The following TPCN1 variants were observed in gnomAD, a reference collection of about 807,000 sequenced individuals.
TPCN1 encodes the protein two pore channel protein 1.
In TPCN1, 52 loss-of-function variants were observed where a neutral mutation model predicts 108.8. That is an observed-to-expected ratio of 0.48 (90% CI 0.38 to 0.60). TPCN1 has a LOEUF of 0.60. TPCN1 is among the 20% of genes least tolerant of loss of function. The pLI is 0.00. For synonymous variants in TPCN1, 446 were observed against 433.7 expected (o/e 1.03, Z -0.35); for missense variants, 806 against 1,072.8 (o/e 0.75, Z 3.47).
chr12:113,273,154 G>C lies in TPCN1; in HGVS notation c.784-78G>C. On this transcript the variant is annotated intron_variant, in intron 8 of 27. Transcript: ENST00000335509. The surrounding 1 kb of genome is among the most constrained non-coding windows in gnomAD (Gnocchi z 4.0). Reference sequence around the variant, plus strand: ...GAGCGGTCAAGGCAGGGCATGCCAGGTGGCCCATCACAGCCTGTTCCTGAT... The same window carrying C: ...GAGCGGTCAAGGCAGGGCATGCCAGCTGGCCCATCACAGCCTGTTCCTGAT... The C allele has an allele frequency of 7.7e-7, 1 of 1,302,762 alleles. No individual in the cohort carries two copies. The allele number at this position is 1,302,762 out of a possible 1,614,324, so 80.7% of individuals were successfully genotyped here.
In TPCN1 at chr12:113,245,624, A is replaced by G. The variant is rs1310481069; in HGVS notation, c.113-14744A>G. ...TCAAAAAAAAAAAAAAAAAAAAAGAAAAGAAAAGGGGTAGGCCCCTCAGTA... is the reference window on the plus strand; with the variant it reads ...TCAAAAAAAAAAAAAAAAAAAAAGAGAAGAAAAGGGGTAGGCCCCTCAGTA... On this transcript the variant is annotated intron_variant, in intron 2 of 27. Transcript: ENST00000335509. 1.6e-4 allele frequency among the ~76,000 whole-genome samples: 19 copies of G among 120,608 alleles called. 1 individual carries two copies. Among genetic ancestry groups the G allele is most frequent in the African/African-American group, 5.6e-4 (16 of 28,584 alleles). 79.1% of individuals were successfully genotyped at this position (120,608 alleles called of 152,430 possible). A position where few individuals can be genotyped will look rare whatever the true frequency, so the allele number is the denominator to read the frequency against.
rs1955541062 is a variant in TPCN1 at position 113,272,631 on chromosome 12, T to C, written c.749-27T>C. 6.2e-7 allele frequency: 1 copy of C among 1,610,938 alleles called. No homozygotes were observed. Among genetic ancestry groups the C allele is most frequent in the African/African-American group, 1.3e-5 (1 of 74,852 alleles). On this transcript the variant is annotated intron_variant, in intron 7 of 27. Transcript: ENST00000335509. The surrounding 1 kb of genome is among the most constrained non-coding windows in gnomAD (Gnocchi z 4.1). ...TTTGGGACCTCTGCTCTAATCCTTTTGTTTATCTGTTTCCACCCACTTCTA... is the reference window on the plus strand; with the variant it reads ...TTTGGGACCTCTGCTCTAATCCTTTCGTTTATCTGTTTCCACCCACTTCTA...
rs1215277055 is a variant in TPCN1, at chr12:113,289,195, T to C, written c.1796+348T>C. Among the ~76,000 whole-genome samples, 1 of 152,170 alleles carries C rather than the reference T, an allele frequency of 6.6e-6. No homozygotes were observed. Among genetic ancestry groups the C allele is most frequent in the Non-Finnish European group, 1.5e-5 (1 of 68,020 alleles). On this transcript the variant is annotated intron_variant, in intron 21 of 27. Transcript: ENST00000335509. The surrounding 1 kb of genome is among the most constrained non-coding windows in gnomAD (Gnocchi z 4.1). ...GGGACCTGGGCCAAGACCAGTCTTC[T>C]AGGGACAGCATCGTAGGATAAGACA...
chr12:113,241,414 T>TCCAG (rs1458596283), intron 2 of TPCN1, among the ~76,000 whole-genome samples: 14 of 152,296 alleles, frequency 9.2e-5, no homozygotes, highest in South Asian at 2.1e-4. Flanking sequence ...GGAAGCCGGG[T>TCCAG]CCAGCCAGCC....
Position 113,226,786 on chromosome 12 carries a change from G to A in TPCN1, c.-67G>A, listed in dbSNP as rs1953486033. ...ACCCCTGGCCCAGTGGCTTTGAAAG[G>A]GAGCTCAAACCAGAGACTATTTCAA... is the stretch of plus-strand genomic sequence containing the variant. On this transcript the variant is annotated 5_prime_UTR_variant, in exon 2 of 28. Coordinates refer to ENST00000335509, the MANE Select transcript of TPCN1 (RefSeq NM_017901.6). 1.2e-6 allele frequency: 2 copies of A among 1,607,670 alleles called. No homozygotes were observed. The highest frequency in any genetic ancestry group is 2.7e-5 in the African/African-American group (2 of 74,844).
In TPCN1 at chr12:113,290,243, G is replaced by A. The variant is rs1311084111; in HGVS notation, c.1912G>A (p.Val638Met). The change falls in exon 22 of 28, where the codon GTG becomes ATG. Residue 638 changes from valine (V) to methionine (M), a missense_variant and splice_region_variant. Transcript: ENST00000335509. ...TTTTGACAACATCCTCAACAGCTTT[G>A]GTGAGTGGGAAAAATCACAGGGGGC... ...NNFDNILNSFVTLFELTVVNN... is the reference protein window; with the variant it reads ...NNFDNILNSFMTLFELTVVNN... The A allele has an allele frequency of 6.3e-7, 1 of 1,584,286 alleles. No homozygotes were observed. The highest frequency in any genetic ancestry group is 8.6e-7 in the Non-Finnish European group (1 of 1,161,110).
intron 2 of TPCN1, among the ~76,000 whole-genome samples, chr12:113,255,587 G>A (rs1452897857): frequency 1.3e-5 from 2 of 150,504 alleles, no homozygotes; most frequent in East Asian, 2.0e-4. Flanking sequence ...GTGCAGTGGC[G>A]CAATCTCAGC....
intron 22 of TPCN1, 21 bp from the exon 23 acceptor site, chr12:113,290,931 C>CT: frequency 6.2e-7 from 1 of 1,613,516 alleles, no homozygotes; most frequent in Non-Finnish European, 8.5e-7. Flanking sequence ...CAGGATGCTT[C>CT]TTTCTCTCTT....
chr12:113,238,744 C>T (rs1414290932), intron 2 of TPCN1, among the ~76,000 whole-genome samples: 3 of 152,184 alleles, frequency 2.0e-5, no homozygotes, highest in Admixed American at 2.0e-4. Context: ...CTCCCCAGCA[C>T]CGGGATGTGA....
At chr12:113,280,001 C>T in intron 14 of TPCN1, 150 bp from the exon 15 acceptor site, 1 of 609,742 alleles carries the variant, frequency 1.6e-6, no homozygotes, top group South Asian at 2.1e-5. Context: ...CTCCTTTCTT[C>T]ACCTCTGGGG....
Position 113,286,809 on chromosome 12 carries a change from G to A in TPCN1, c.1527-178G>A, listed in dbSNP as rs146144839. Among the ~76,000 whole-genome samples the A allele has an allele frequency of 4.8e-3, 733 of 152,308 alleles. 2 individuals are homozygous for A. The highest frequency in any genetic ancestry group is 7.6e-3 in the Non-Finnish European group (514 of 68,028). ...CCCGTGAGACGCATGCTGGGACAGG[G>A]CCTGGCCACCTTGAAACCCCAGGGT... On this transcript the variant is annotated intron_variant, in intron 18 of 27. Coordinates refer to ENST00000335509, the MANE Select transcript of TPCN1 (RefSeq NM_017901.6).
intron 10 of TPCN1, among the ~76,000 whole-genome samples, chr12:113,275,075 C>A (rs1239353234): frequency 6.6e-6 from 1 of 152,210 alleles, no homozygotes; most frequent in Non-Finnish European, 1.5e-5. Context: ...GGTGCCCAGA[C>A]CACACATCCA....
intron 12 of TPCN1, 96 bp from the exon 13 acceptor site, chr12:113,278,093 C>A: frequency 9.8e-7 from 1 of 1,015,326 alleles, no homozygotes; most frequent in Non-Finnish European, 1.6e-6. Context: ...TCCTCCCTCA[C>A]CCCATAAAGG....
At chr12:113,226,680 G>T (rs780664161) in intron 1 of TPCN1, 48 bp from the exon 2 acceptor site, 1 of 1,377,264 alleles carries the variant, frequency 7.3e-7, no homozygotes, top group South Asian at 1.4e-5. Flanking sequence ...ATCAGTCATG[G>T]CTGTATTTTA....
chr12:113,290,015 G>A (rs986754845), intron 21 of TPCN1, 113 bp from the exon 22 acceptor site: 8 of 677,054 alleles, frequency 1.2e-5, no homozygotes, highest in Non-Finnish European at 2.1e-5. Context: ...CAGGCTGCGG[G>A]CAGAACAGAA....
Position 113,272,021 on chromosome 12 carries a change from C to T in TPCN1, c.749-637C>T, listed in dbSNP as rs1319470342. Among the ~76,000 whole-genome samples, 3 of 152,222 alleles carry T rather than the reference C, an allele frequency of 2.0e-5. No individual in the cohort carries two copies. The highest frequency in any genetic ancestry group is 4.8e-5 in the African/African-American group (2 of 41,446). ...GGCTAGAGCCAGGGCCAACCCCTCC[C>T]GGCCCTCGTGACTGCCTTGTCCTGA... On this transcript the variant is annotated intron_variant, in intron 7 of 27. Coordinates refer to ENST00000335509, the MANE Select transcript of TPCN1 (RefSeq NM_017901.6). This position sits in a 1 kb window ranked among gnomAD's most constrained non-coding sequence, Gnocchi z 4.1.
chr12:113,239,053 G>A (rs1341234211), intron 2 of TPCN1, among the ~76,000 whole-genome samples: 1 of 152,192 alleles, frequency 6.6e-6, no homozygotes, highest in African/African-American at 2.4e-5. Context: ...AGGATTGCTT[G>A]AGCCCAGGAG....
Position 113,226,973 on chromosome 12 carries a change from G to A in TPCN1, c.112+9G>A, listed in dbSNP as rs1393929581. Reference sequence around the variant, plus strand: ...AGAGCTACCTAGCAAAAGTAAGATGGTGGGGTGGGCTGGGGGGACCCCAGC... The same window carrying A: ...AGAGCTACCTAGCAAAAGTAAGATGATGGGGTGGGCTGGGGGGACCCCAGC... On this transcript the variant is annotated intron_variant, in intron 2 of 27. Coordinates refer to ENST00000335509, the MANE Select transcript of TPCN1 (RefSeq NM_017901.6). 6.2e-7 allele frequency: 1 copy of A among 1,610,114 alleles called. No individual in the cohort carries two copies. The highest frequency in any genetic ancestry group is 8.5e-7 in the Non-Finnish European group (1 of 1,177,944).
At position 113,226,847 on chromosome 12, in the gene TPCN1, G is replaced by C; in HGVS notation, c.-6G>C. On this transcript the variant is annotated 5_prime_UTR_variant, in exon 2 of 28. Coordinates refer to ENST00000335509, the MANE Select transcript of TPCN1 (RefSeq NM_017901.6). Reference sequence around the variant, plus strand: ...TCATATCCTGAGGGCCACAGGAGAAGAGAACATGGCTGTGAGTTTGGATGA... The same window carrying C: ...TCATATCCTGAGGGCCACAGGAGAACAGAACATGGCTGTGAGTTTGGATGA... The C allele has an allele frequency of 6.2e-7, 1 of 1,614,208 alleles. No individual in the cohort carries two copies. The highest frequency in any genetic ancestry group is 8.5e-7 in the Non-Finnish European group (1 of 1,180,042).
Sources: allele counts gnomAD v4.1 joint callset (sites outside exome capture counted in the v4.1 genomes callset), GRCh38; gene constraint gnomAD v4.1.1; non-coding constraint Gnocchi (gnomAD v3.1); transcripts MANE v1.5; gene names NCBI Gene and HGNC (gene_info 2026-07-23, HGNC 2026-07-21).